The following MACROD2 variants were observed in gnomAD, a reference collection of about 807,000 sequenced individuals.
MACROD2 encodes mono-ADP ribosylhydrolase 2, also known as ADP-ribose glycohydrolase MACROD2.
In MACROD2, 36 loss-of-function variants were observed where a neutral mutation model predicts 70.4. The ratio of observed to expected loss-of-function variants is 0.51; its 90% confidence interval spans 0.39 to 0.68. The LOEUF is 0.68. Among genes scored for constraint, MACROD2 ranks in the 30% least tolerant of loss-of-function variants. The probability of loss-of-function intolerance (pLI) is 0.00; values close to 1 mark genes in which losing one functional copy is unlikely to be tolerated. For synonymous variants in MACROD2, 172 were observed against 178.8 expected (o/e 0.96, Z 0.30); for missense variants, 496 against 538.4 (o/e 0.92, Z 0.78).
chr20:14,701,360 T>A (rs6034012), intron 5 of MACROD2, among the ~76,000 whole-genome samples: 1 of 152,164 alleles, frequency 6.6e-6, no homozygotes, highest in Non-Finnish European at 1.5e-5. Context: ...TTGAAAGCCT[T>A]GCATGTTTTC....
intron 4 of MACROD2, among the ~76,000 whole-genome samples, chr20:14,656,476 G>A (rs2123523070): frequency 6.6e-6 from 1 of 152,162 alleles, no homozygotes; most frequent in East Asian, 1.9e-4. Flanking sequence ...GGCAACAATG[G>A]ATGTATCCTA....
At chr20:14,509,289 A>G (rs1005740723) in intron 4 of MACROD2, among the ~76,000 whole-genome samples, 2 of 151,926 alleles carry the variant, frequency 1.3e-5, no homozygotes, top group African/African-American at 4.8e-5. Context: ...TTTAATTGGG[A>G]CAGTAAAATC....
At chr20:15,577,784 C>T (rs898815263) in intron 8 of MACROD2, among the ~76,000 whole-genome samples, 1 of 152,092 alleles carries the variant, frequency 6.6e-6, no homozygotes, top group African/African-American at 2.4e-5. Flanking sequence ...CATGTGCTTC[C>T]CTCATTGTTT....
At chr20:15,342,434 T>C (rs1336780717) in intron 6 of MACROD2, among the ~76,000 whole-genome samples, 1 of 152,130 alleles carries the variant, frequency 6.6e-6, no homozygotes, top group Non-Finnish European at 1.5e-5. Flanking sequence ...TGGGTGGCAG[T>C]AGGAATGGAA....
chr20:15,742,052 G>A (rs746842517), intron 8 of MACROD2, among the ~76,000 whole-genome samples: 10 of 152,072 alleles, frequency 6.6e-5, no homozygotes, highest in Non-Finnish European at 1.2e-4. Flanking sequence ...CAATACAGAC[G>A]GCAGCTGAAT....
intron 6 of MACROD2, among the ~76,000 whole-genome samples, chr20:15,239,208 C>T (rs1183689671): frequency 3.4e-5 from 4 of 118,722 alleles, no homozygotes; most frequent in South Asian, 5.1e-4. Context: ...TTTTGGAGAG[C>T]AATTGCAATG....
At chr20:15,954,675 C>A (rs1014690354) in intron 12 of MACROD2, among the ~76,000 whole-genome samples, 6 of 152,166 alleles carry the variant, frequency 3.9e-5, no homozygotes, top group African/African-American at 7.2e-5. Context: ...TTTTTTAAGA[C>A]ATTATGCAAT....
At chr20:14,211,618 G>T (rs962912778) in intron 3 of MACROD2, among the ~76,000 whole-genome samples, 2 of 152,172 alleles carry the variant, frequency 1.3e-5, no homozygotes, top group Non-Finnish European at 2.9e-5. Context: ...CAGGCTCTCT[G>T]CTATCTGCTT....
At chr20:15,472,375 A>G (rs2046972850) in intron 7 of MACROD2, among the ~76,000 whole-genome samples, 1 of 151,940 alleles carries the variant, frequency 6.6e-6, no homozygotes, top group South Asian at 2.1e-4. Context: ...AATGTGTCTT[A>G]CTTAACTGCA....
chr20:15,066,295 C>G (rs1465995101), intron 5 of MACROD2, among the ~76,000 whole-genome samples: 1 of 151,564 alleles, frequency 6.6e-6, no homozygotes, highest in Admixed American at 6.6e-5. Context: ...CAACGCCTGG[C>G]TAATTTTTTT....
At chr20:14,866,595 A>G (rs1425518605) in intron 5 of MACROD2, among the ~76,000 whole-genome samples, 1 of 152,156 alleles carries the variant, frequency 6.6e-6, no homozygotes, top group Non-Finnish European at 1.5e-5. Context: ...AAAATTGTCC[A>G]GGAGAACAAC....
At chr20:15,235,807 G>T (rs2077008809) in intron 6 of MACROD2, among the ~76,000 whole-genome samples, 1 of 152,136 alleles carries the variant, frequency 6.6e-6, no homozygotes, top group Admixed American at 6.5e-5. Flanking sequence ...TGGTACCTCT[G>T]CTCCTCTGCC....
At chr20:15,738,123 G>C (rs769012239) in intron 8 of MACROD2, among the ~76,000 whole-genome samples, 7 of 152,154 alleles carry the variant, frequency 4.6e-5, no homozygotes, top group Non-Finnish European at 8.8e-5. Flanking sequence ...AAATCTAGTA[G>C]TATTTGATAG....
chr20:15,987,760 G>A (rs1439424846), intron 15 of MACROD2, among the ~76,000 whole-genome samples: 1 of 152,086 alleles, frequency 6.6e-6, no homozygotes, highest in Non-Finnish European at 1.5e-5. Flanking sequence ...TTGGAGTGAA[G>A]ATAGAAATAT....
intron 5 of MACROD2, among the ~76,000 whole-genome samples, chr20:14,786,546 T>G (rs1250508679): frequency 6.6e-6 from 1 of 151,482 alleles, no homozygotes; most frequent in African/African-American, 2.4e-5. Context: ...CTCTAAGGGA[T>G]TCGTTATCAG....
At chr20:15,556,596 T>C (rs1429241841) in intron 8 of MACROD2, among the ~76,000 whole-genome samples, 1 of 152,246 alleles carries the variant, frequency 6.6e-6, no homozygotes, top group African/African-American at 2.4e-5. Context: ...TTAGCTCTTA[T>C]ATGTTACAAT....
chr20:15,428,702 T>C (rs1222438003), intron 6 of MACROD2, among the ~76,000 whole-genome samples: 1 of 152,198 alleles, frequency 6.6e-6, no homozygotes, highest in Non-Finnish European at 1.5e-5. Context: ...TTTAACTGCA[T>C]CTTTCAGTCA....
At chr20:15,328,543 C>T (rs1410882900) in intron 6 of MACROD2, among the ~76,000 whole-genome samples, 10 of 152,114 alleles carry the variant, frequency 6.6e-5, no homozygotes, top group African/African-American at 2.4e-4. Flanking sequence ...GAATTGTCCC[C>T]ATAAATATTT....
At chr20:14,221,606 G>A (rs530292187) in intron 3 of MACROD2, among the ~76,000 whole-genome samples, 34 of 152,232 alleles carry the variant, frequency 2.2e-4, no homozygotes, top group Admixed American at 4.6e-4. Flanking sequence ...CTCAAAGGCA[G>A]AAGCAACAAA....
Sources: allele counts gnomAD v4.1 joint callset (sites outside exome capture counted in the v4.1 genomes callset), GRCh38; gene constraint gnomAD v4.1.1; transcripts MANE v1.5; gene names NCBI Gene and HGNC (gene_info 2026-07-23, HGNC 2026-07-21).